The following SCARB1 variants were observed in gnomAD, a reference collection of about 807,000 sequenced individuals.
SCARB1 encodes CD36 and LIMPII analogous 1.
In SCARB1, 30 loss-of-function variants were observed where a neutral mutation model predicts 57.2. The observed-to-expected ratio is 0.52, with a 90% confidence interval of 0.39 to 0.71. SCARB1 has a LOEUF of 0.71. SCARB1 is among the 30% of genes least tolerant of loss of function. The probability of loss-of-function intolerance (pLI) is 0.00; values close to 1 mark genes in which losing one functional copy is unlikely to be tolerated. For missense variants in SCARB1, 543 were observed against 671.2 expected (o/e 0.81, Z 2.11); for synonymous variants, 249 against 268.3 (o/e 0.93, Z 0.70).
At chr12:124,830,975 G>A (rs1180093993) in intron 1 of SCARB1, among the ~76,000 whole-genome samples, 1 of 103,072 alleles carries the variant, frequency 9.7e-6, no homozygotes, top group East Asian at 3.2e-4. Flanking sequence ...ACCATGCCCA[G>A]CTGATTTTTT....
chr12:124,861,339 T>C (rs987312578), intron 1 of SCARB1, among the ~76,000 whole-genome samples: 5 of 152,156 alleles, frequency 3.3e-5, no homozygotes, highest in African/African-American at 1.2e-4. Context: ...TTTTTATGTC[T>C]TTTTTTAGTT....
intron 2 of SCARB1, among the ~76,000 whole-genome samples, chr12:124,815,420 T>C (rs2135680730): frequency 1.3e-5 from 2 of 152,296 alleles, no homozygotes; most frequent in Middle Eastern, 6.8e-3. Context: ...CTGTGGGGAT[T>C]AAGCAATCAG....
chr12:124,855,947 T>G (rs920509168), intron 1 of SCARB1, among the ~76,000 whole-genome samples: 10 of 152,218 alleles, frequency 6.6e-5, no homozygotes, highest in Admixed American at 3.3e-4. Context: ...AAGCCCTCCA[T>G]GGGGACTCAC....
chr12:124,810,385 C>G lies in SCARB1; in HGVS notation c.727-96G>C. ...CACACCTAACTCACCCTGGTGCACG[C>G]ACGGCCACTCAATTCCCAATACTGG... On this transcript the variant is annotated intron_variant, in intron 5 of 12. Coordinates refer to ENST00000261693, the MANE Select transcript of SCARB1 (RefSeq NM_005505.5). The surrounding 1 kb of genome is among the most constrained non-coding windows in gnomAD (Gnocchi z 4.0). The G allele has an allele frequency of 1.2e-6, 1 of 820,908 alleles. No homozygotes were observed. Among genetic ancestry groups the G allele is most frequent in the Non-Finnish European group, 2.1e-6 (1 of 474,306 alleles). 50.9% of individuals were successfully genotyped at this position (820,908 alleles called of 1,614,324 possible).
At chr12:124,832,527 A>C (rs1484931714) in intron 1 of SCARB1, among the ~76,000 whole-genome samples, 4 of 151,854 alleles carry the variant, frequency 2.6e-5, no homozygotes, top group Admixed American at 2.0e-4. Context: ...CTCAAAAAAA[A>C]AAAAACTGTT....
intron 2 of SCARB1, among the ~76,000 whole-genome samples, chr12:124,815,628 G>T (rs998725116): frequency 1.3e-5 from 2 of 152,210 alleles, no homozygotes; most frequent in African/African-American, 4.8e-5. Context: ...CACTTTGGGA[G>T]GCTGAGGTGG....
chr12:124,797,743 A>G (rs1449624427), intron 8 of SCARB1, among the ~76,000 whole-genome samples: 1 of 152,196 alleles, frequency 6.6e-6, no homozygotes, highest in Non-Finnish European at 1.5e-5. Flanking sequence ...AATTAACTAA[A>G]AGAGGGAAGG....
intron 10 of SCARB1, 152 bp from the exon 11 acceptor site, chr12:124,786,655 T>TC: frequency 6.9e-7 from 1 of 1,448,278 alleles, no homozygotes. Context: ...GCCAGGGACC[T>TC]CCTCCCTCCA....
intron 2 of SCARB1, among the ~76,000 whole-genome samples, chr12:124,815,460 G>A (rs1247422722): frequency 6.6e-6 from 1 of 152,226 alleles, no homozygotes; most frequent in Non-Finnish European, 1.5e-5. Flanking sequence ...CACAGCCGCC[G>A]GGTGCAGAGA....
At chr12:124,799,750 G>A (rs527375258) in intron 8 of SCARB1, among the ~76,000 whole-genome samples, 4 of 152,150 alleles carry the variant, frequency 2.6e-5, no homozygotes, top group African/African-American at 9.6e-5. Flanking sequence ...CTTCACACGG[G>A]ACAAATTCCC....
intron 7 of SCARB1, among the ~76,000 whole-genome samples, chr12:124,802,484 C>T (rs1297575951): frequency 6.6e-6 from 1 of 152,058 alleles, no homozygotes; most frequent in Non-Finnish European, 1.5e-5. Flanking sequence ...GTGCCTCCTC[C>T]GTGGAGGAGG....
At chr12:124,786,769 C>T (rs1280929120) in intron 10 of SCARB1, among the ~76,000 whole-genome samples, 1 of 152,238 alleles carries the variant, frequency 6.6e-6, no homozygotes, top group East Asian at 1.9e-4. Context: ...ACGTGACTCT[C>T]CATCTCGTTC....
chr12:124,839,218 C>G (rs1429185607), intron 1 of SCARB1: 1 of 456,152 alleles, frequency 2.2e-6, no homozygotes, highest in Admixed American at 2.3e-5. Context: ...CTCTGCACCC[C>G]CTCTCCCCCA....
rs377027626 is a variant in SCARB1 at position 124,789,560 on chromosome 12, A to G, written c.1203-2103T>C. On this transcript the variant is annotated intron_variant, in intron 9 of 12. Transcript: ENST00000261693. This position sits in a 1 kb window ranked among gnomAD's most constrained non-coding sequence, Gnocchi z 4.4. ...GATATGGTTACATCAAGGTTCTGAG[A>G]TGGGAAGAGTATCCTGGAATACCTA... is the stretch of plus-strand genomic sequence containing the variant. Among the ~76,000 whole-genome samples the G allele has an allele frequency of 2.0e-3, 303 of 152,264 alleles. 2 individuals are homozygous for G. Among genetic ancestry groups the G allele is most frequent in the South Asian group, 0.017 (84 of 4,812 alleles).
At chr12:124,839,311 T>C (rs1951816450) in intron 1 of SCARB1, 1 of 452,772 alleles carries the variant, frequency 2.2e-6, no homozygotes, top group African/African-American at 2.0e-5. Flanking sequence ...TCGTACGGTA[T>C]TTGTCCTGTT....
intron 1 of SCARB1, among the ~76,000 whole-genome samples, chr12:124,838,551 C>G (rs1951783046): frequency 2.6e-5 from 4 of 152,038 alleles, no homozygotes; most frequent in Admixed American, 2.6e-4. Flanking sequence ...CTGGAGGAAT[C>G]AGAAGCTCAG....
intron 8 of SCARB1, among the ~76,000 whole-genome samples, chr12:124,798,118 G>A (rs1950008794): frequency 6.6e-6 from 1 of 152,230 alleles, no homozygotes; most frequent in African/African-American, 2.4e-5. Flanking sequence ...CGTTTAAAAA[G>A]AGGGAAATCC....
chr12:124,794,028 G>C (rs1036432166), intron 9 of SCARB1, among the ~76,000 whole-genome samples: 2 of 152,196 alleles, frequency 1.3e-5, no homozygotes, highest in African/African-American at 4.8e-5. Context: ...GATCCTAAAT[G>C]AAAGAAGCCA....
In SCARB1 at chr12:124,846,011, C is replaced by CA. The variant is rs774935216; in HGVS notation, c.126+17583dup. 6.7e-3 allele frequency among the ~76,000 whole-genome samples: 988 copies of CA among 146,784 alleles called. 7 individuals are homozygous for CA. The highest frequency in any genetic ancestry group is 0.018 in the African/African-American group (703 of 39,696). On this transcript the variant is annotated intron_variant, in intron 1 of 12. Transcript: ENST00000261693. ...TGGGCGACAGAGCAAGACTCTGTCT[C>CA]AAAAAAAAAGAAAGAAAGAAAGAAA... is the stretch of plus-strand genomic sequence containing the variant.
Sources: gnomAD v4.1 joint callset for allele counts (sites outside exome capture counted in the v4.1 genomes callset) on GRCh38, gnomAD v4.1.1 for gene constraint, Gnocchi (gnomAD v3.1) non-coding constraint, MANE v1.5 for transcripts, NCBI Gene and HGNC (gene_info 2026-07-23, HGNC 2026-07-21) for gene names.